KLHL35: variants seen among roughly 807,000 people sequenced by gnomAD.
KLHL35 encodes the protein kelch like family member 35.
Under a neutral mutation model 44.0 loss-of-function variants are expected in KLHL35, and 50 were observed. That is an observed-to-expected ratio of 1.14 (90% confidence interval 0.91 to 1.44). KLHL35 has a LOEUF of 1.44. KLHL35 is among the 40% of genes most tolerant of loss of function. KLHL35 has a pLI of 0.00. For missense variants in KLHL35, 1,049 were observed against 887.8 expected (o/e 1.18, Z -2.31); for synonymous variants, 470 against 410.4 (o/e 1.15, Z -1.76).
chr11:75,426,240 G>A (rs949937579), intron 4 of KLHL35: 5 of 228,558 alleles, frequency 2.2e-5, no homozygotes, highest in South Asian at 9.7e-5. Flanking sequence ...CAGCCACTGC[G>A]CCCGGCCGAC....
At chr11:75,424,073 G>A (rs981167469) in intron 5 of KLHL35, 193 bp from the exon 6 acceptor site, 3 of 578,902 alleles carry the variant, frequency 5.2e-6, no homozygotes, top group African/African-American at 1.9e-5. Context: ...TCTTCATCTA[G>A]TTCTATGTTC....
intron 1 of KLHL35, among the ~76,000 whole-genome samples, chr11:75,430,860 T>TG (rs1948532504): frequency 6.6e-6 from 1 of 152,230 alleles, no homozygotes; most frequent in Admixed American, 6.5e-5. Context: ...TCTTCAAACT[T>TG]GCTAAGCGTT....
intron 5 of KLHL35, chr11:75,424,886 G>A (rs1948477022): frequency 6.5e-6 from 1 of 153,084 alleles, no homozygotes; most frequent in Admixed American, 6.5e-5. Flanking sequence ...TGATAATCAC[G>A]TGGAAAATGC....
chr11:75,428,732 G>A, intron 2 of KLHL35, 106 bp from the exon 3 acceptor site: 1 of 1,016,514 alleles, frequency 9.8e-7, no homozygotes, highest in Non-Finnish European at 1.4e-6. Flanking sequence ...ATGCGTTTCT[G>A]CCATCACCCC....
chr11:75,428,450 T>A lies in KLHL35; in HGVS notation c.1058A>T (p.Tyr353Phe). The change falls in exon 3 of 7, where the codon TAC becomes TTC. Residue 353 changes from tyrosine (Y) to phenylalanine (F), a missense_variant. Tyr to Phe is a conservative substitution (Grantham distance 22). Transcript: ENST00000539798. ...TGCGGCTCCGCCCTCACCGGAGACG[T>A]AGACGTCATTGCGGAGAGCACAGGC... Reference protein sequence around the residue: ...FAACALRNDVYVSGGHINSHD... With the variant: ...FAACALRNDVFVSGGHINSHD... The A allele has an allele frequency of 6.2e-7, 1 of 1,612,384 alleles. No individual in the cohort carries two copies. Among genetic ancestry groups the A allele is most frequent in the Non-Finnish European group, 8.5e-7 (1 of 1,179,828 alleles).
chr11:75,425,118 AT>A (rs1278005814), intron 5 of KLHL35, among the ~76,000 whole-genome samples: 1 of 152,096 alleles, frequency 6.6e-6, no homozygotes, highest in East Asian at 1.9e-4. Context: ...GAACAAAAGC[AT>A]TTTAACTATC....
At chr11:75,426,300 A>C in intron 4 of KLHL35, 1 of 409,824 alleles carries the variant, frequency 2.4e-6, no homozygotes, top group Non-Finnish European at 4.4e-6. Flanking sequence ...CCTAGACTCT[A>C]TGGCCCCAGA....
intron 2 of KLHL35, among the ~76,000 whole-genome samples, chr11:75,429,450 G>A (rs767084066): frequency 6.6e-6 from 1 of 152,210 alleles, no homozygotes; most frequent in Non-Finnish European, 1.5e-5. Flanking sequence ...AGGGCAAAGA[G>A]TGTTTTCAAA....
chr11:75,429,809 TCGAGCAGCAGCGGGCGGCACTCGCCG>T lies in KLHL35; in HGVS notation c.795_820del (p.Cys265Ter). ...GCCCAGGATGAAGCAGGCGCGAGCC[TCGAGCAGCAGCGGGCGGCACTCGCCG>T]CAGGCCTGCAGCAGCTCGTCCGCCT... is the stretch of plus-strand genomic sequence containing the variant. On this transcript the variant is annotated stop_gained and frameshift_variant, in exon 2 of 7. Coordinates refer to ENST00000539798, the MANE Select transcript of KLHL35 (RefSeq NM_001039548.3). LOFTEE classifies it high-confidence loss of function. 1.3e-6 allele frequency: 2 copies of T among 1,511,798 alleles called. No individual in the cohort carries two copies. Among genetic ancestry groups the T allele is most frequent in the Non-Finnish European group, 1.8e-6 (2 of 1,137,026 alleles). 93.6% of individuals were successfully genotyped at this position (1,511,798 alleles called of 1,614,324 possible).
At position 75,430,590 on chromosome 11, in the gene KLHL35, AGCC is replaced by A; in HGVS notation, c.37_39del (p.Gly13del). On this transcript the variant is annotated inframe_deletion, in exon 2 of 7. Transcript: ENST00000539798. ...CACGGACCCGCGCACGGCGCTTCGC[AGCC>A]CGGCTCCGACTCCTCCGGCGCATGG... is the stretch of plus-strand genomic sequence containing the variant. The A allele has an allele frequency of 2.1e-6, 3 of 1,431,798 alleles. No homozygotes were observed. Among genetic ancestry groups the A allele is most frequent in the Non-Finnish European group, 1.8e-6 (2 of 1,096,992 alleles). 88.7% of individuals were successfully genotyped at this position (1,431,798 alleles called of 1,614,324 possible). A position where few individuals can be genotyped will look rare whatever the true frequency, so the allele number is the denominator to read the frequency against.
rs780777079 is a variant in KLHL35, at chr11:75,428,450, T to G, written c.1058A>C (p.Tyr353Ser). The G allele has an allele frequency of 6.2e-7, 1 of 1,612,384 alleles. No homozygotes were observed. Among genetic ancestry groups the G allele is most frequent in the Non-Finnish European group, 8.5e-7 (1 of 1,179,828 alleles). ...FAACALRNDV[Y>S]VSGGHINSHD... ...TGCGGCTCCGCCCTCACCGGAGACG[T>G]AGACGTCATTGCGGAGAGCACAGGC... Residue 353 changes from tyrosine (Y) to serine (S), a missense_variant, in exon 3 of 7, where the codon TAC (tyrosine) becomes TCC (serine). Coordinates refer to ENST00000539798, the MANE Select transcript of KLHL35 (RefSeq NM_001039548.3).
chr11:75,426,087 C>G (rs1461747899), intron 4 of KLHL35: 1 of 158,712 alleles, frequency 6.3e-6, no homozygotes, highest in Middle Eastern at 3.0e-3. Context: ...TCCTGAGTAG[C>G]TGGGACTACA....
At position 75,430,257 on chromosome 11, in the gene KLHL35, C is replaced by T; in HGVS notation, c.373G>A (p.Ala125Thr). ...VRLRAEDEAAAVLALAERLGV... is the reference protein window; with the variant it reads ...VRLRAEDEAATVLALAERLGV... ...AGCCGCTCCGCCAGCGCCAGCACGG[C>T]CGCCGCCTCGTCCTCCGCGCGCAGC... The change falls in exon 2 of 7, where the codon GCC becomes ACC. Residue 125 changes from alanine (A) to threonine (T), a missense_variant. Physicochemically the swap from Ala to Thr is moderately conservative, Grantham distance 58. Coordinates refer to ENST00000539798, the MANE Select transcript of KLHL35 (RefSeq NM_001039548.3). The T allele has an allele frequency of 2.5e-6, 3 of 1,208,628 alleles. No individual in the cohort carries two copies. Among genetic ancestry groups the T allele is most frequent in the Admixed American group, 8.7e-5 (2 of 23,102 alleles). 74.9% of individuals were successfully genotyped at this position (1,208,628 alleles called of 1,614,324 possible). A position where few individuals can be genotyped will look rare whatever the true frequency, so the allele number is the denominator to read the frequency against.
intron 1 of KLHL35, among the ~76,000 whole-genome samples, chr11:75,432,258 A>C (rs561672113): frequency 6.6e-6 from 1 of 152,304 alleles, no homozygotes; most frequent in South Asian, 2.1e-4. Context: ...GCCTAGTGTC[A>C]GCCTGGCTTT....
chr11:75,426,884 G>T, intron 3 of KLHL35: 1 of 376,034 alleles, frequency 2.7e-6, no homozygotes, highest in Non-Finnish European at 5.0e-6. Flanking sequence ...GCTGGTTTTC[G>T]CCGGGCACCT....
rs925345875 is a variant in KLHL35 at position 75,433,099 on chromosome 11, C to G, written c.-58G>C. Among the ~76,000 whole-genome samples the G allele has an allele frequency of 2.0e-5, 3 of 152,180 alleles. No individual in the cohort carries two copies. The highest frequency in any genetic ancestry group is 7.2e-5 in the African/African-American group (3 of 41,440). On this transcript the variant is annotated 5_prime_UTR_variant, in exon 1 of 7. Transcript: ENST00000539798. ...CTGCTGCTCTCACAGGTATCACTCC[C>G]GTTTGTGCCTGCCGCCCGCACCCCT...
rs1948484211 is a variant in KLHL35 at position 75,425,584 on chromosome 11, G to GC, written c.1186-4dup. ...TCGAAGCCACCCACCGCGAACAGCTGCAAGTGAGGACATGGGCCGGGGAGC... is the reference window on the plus strand; with the variant it reads ...TCGAAGCCACCCACCGCGAACAGCTGCCAAGTGAGGACATGGGCCGGGGAGC... On this transcript the variant is annotated splice_polypyrimidine_tract_variant and splice_region_variant and intron_variant, in intron 4 of 6. Transcript: ENST00000539798. 2.0e-6 allele frequency: 3 copies of GC among 1,472,364 alleles called. No individual in the cohort carries two copies. The highest frequency in any genetic ancestry group is 2.7e-6 in the Non-Finnish European group (3 of 1,118,296). The allele number at this position is 1,472,364 out of a possible 1,614,324, so 91.2% of individuals were successfully genotyped here.
rs754344809 is a variant in KLHL35, at chr11:75,430,018, C to A, written c.612G>T (p.Ala204=). Residue 204 remains alanine, a synonymous_variant, in exon 2 of 7, where the codon GCG becomes GCT. Transcript: ENST00000539798. ...CGCGCGCCACGCCCAGCGCGGGGTCCGCCAGCAGCGCCACCACCTCGTCAG... is the reference window on the plus strand; with the variant it reads ...CGCGCGCCACGCCCAGCGCGGGGTCAGCCAGCAGCGCCACCACCTCGTCAG... ...LAPDEVVALL[A]DPALGVAREE... 6 of 1,417,246 alleles carry A rather than the reference C, an allele frequency of 4.2e-6. No individual in the cohort carries two copies. The highest frequency in any genetic ancestry group is 5.8e-5 in the Admixed American group (2 of 34,748). The allele number at this position is 1,417,246 out of a possible 1,614,324, so 87.8% of individuals were successfully genotyped here.
Position 75,426,617 on chromosome 11 carries a change from T to A in KLHL35, c.1088A>T (p.Asp363Val). The A allele has an allele frequency of 6.2e-7, 1 of 1,601,622 alleles. No homozygotes were observed. Residue 363 changes from aspartate (D) to valine (V), a missense_variant, in exon 4 of 7, where the codon GAT becomes GTT. Transcript: ENST00000539798. ...CAGATGGGAGCTAAACATCCACACA[T>A]CATGACTGTTGATGTGGCCTCCTAG... ...YVSGGHINSH[D>V]VWMFSSHLHT...
Sources: gnomAD v4.1 joint callset for allele counts (sites outside exome capture counted in the v4.1 genomes callset) on GRCh38, gnomAD v4.1.1 for gene constraint, MANE v1.5 for transcripts, NCBI Gene and HGNC (gene_info 2026-07-23, HGNC 2026-07-21) for gene names.